Variants in TIMM23B observed in about 807,000 individuals in gnomAD.
TIMM23B encodes the protein translocase of inner mitochondrial membrane 23 homolog B, also known as mitochondrial import inner membrane translocase subunit Tim23B.
Under a neutral mutation model 27.3 loss-of-function variants are expected in TIMM23B, and 27 were observed. That is an observed-to-expected ratio of 0.99 (90% CI 0.73 to 1.36). TIMM23B has a LOEUF of 1.36. Among genes scored for constraint, TIMM23B ranks in the 40% most tolerant of loss-of-function variants. TIMM23B has a pLI of 0.00. For missense variants in TIMM23B, 205 were observed against 244.2 expected, an observed-to-expected ratio of 0.84 and a Z score of 1.07; for synonymous variants, 73 against 92.4, an observed-to-expected ratio of 0.79 and a Z score of 1.21.
chr10:49,956,677 T>C (rs1839737514), intron 5 of TIMM23B, among the ~76,000 whole-genome samples: 1 of 146,278 alleles, frequency 6.8e-6, no homozygotes, highest in Non-Finnish European at 1.5e-5. Flanking sequence ...AAATGATTCT[T>C]CTGGTTTTTA....
At chr10:49,945,322 G>C (rs1454615751) in intron 2 of TIMM23B, among the ~76,000 whole-genome samples, 2 of 152,090 alleles carry the variant, frequency 1.3e-5, no homozygotes, top group Non-Finnish European at 2.9e-5. Context: ...ATTTTTGAAA[G>C]CACCCCAATA....
Position 49,942,299 on chromosome 10 carries a change from G to A in TIMM23B, c.105G>A (p.Pro35=). 6.2e-7 allele frequency: 1 copy of A among 1,608,890 alleles called. No homozygotes were observed. Among genetic ancestry groups the A allele is most frequent in the Non-Finnish European group, 8.5e-7 (1 of 1,177,270 alleles). Residue 35 remains proline (P), a splice_region_variant and synonymous_variant, in exon 1 of 7, where the codon CCG becomes CCA. Coordinates refer to ENST00000651259, the MANE Select transcript of TIMM23B (RefSeq NM_001290117.2). The part of the protein sequence containing the change: ...GYSHADLAGV[P]LTGMNPLCPY... ...CGCACGCGGATTTGGCTGGCGTCCCGCGTAAGTATGGGGCCTAGCTTGCGA... is the reference window on the plus strand; with the variant it reads ...CGCACGCGGATTTGGCTGGCGTCCCACGTAAGTATGGGGCCTAGCTTGCGA...
chr10:49,968,047 C>CT (rs1334981556), intron 6 of TIMM23B, among the ~76,000 whole-genome samples: 26 of 152,228 alleles, frequency 1.7e-4, no homozygotes, highest in African/African-American at 6.3e-4. Context: ...CAACAAAACT[C>CT]TTACTGGCTT....
At chr10:49,954,190 C>G (rs1247096387) in intron 4 of TIMM23B, 2 of 188,772 alleles carry the variant, frequency 1.1e-5, no homozygotes, top group Non-Finnish European at 2.2e-5. Context: ...TTCCTTCACT[C>G]TTTGTTACTG....
chr10:49,952,668 A>T, intron 4 of TIMM23B, 135 bp downstream of exon 4: 1 of 1,104,794 alleles, frequency 9.1e-7, no homozygotes, highest in Non-Finnish European at 1.3e-6. Context: ...TTTTAATCTT[A>T]ATCAAAATAA....
At chr10:49,971,833 T>A (rs1332029595) in intron 6 of TIMM23B, among the ~76,000 whole-genome samples, 3 of 152,346 alleles carry the variant, frequency 2.0e-5, no homozygotes, top group East Asian at 3.9e-4. Flanking sequence ...ATGTAAAATA[T>A]AACACATTCT....
At chr10:49,958,047 G>A (rs1367387692) in intron 5 of TIMM23B, among the ~76,000 whole-genome samples, 2 of 152,136 alleles carry the variant, frequency 1.3e-5, no homozygotes, top group East Asian at 1.9e-4. Flanking sequence ...GGAAAGATTA[G>A]AGTCCTGCTG....
chr10:49,960,826 A>G (rs1443893013), intron 6 of TIMM23B, among the ~76,000 whole-genome samples: 1 of 152,364 alleles, frequency 6.6e-6, no homozygotes, highest in East Asian at 1.9e-4. Flanking sequence ...TGATTATATG[A>G]TACATATAAG....
intron 6 of TIMM23B, among the ~76,000 whole-genome samples, chr10:49,971,206 C>G (rs1173242343): frequency 1.3e-5 from 2 of 152,114 alleles, no homozygotes; most frequent in East Asian, 1.9e-4. Context: ...GCCGCAGGGT[C>G]CTCTGCCTAG....
At position 49,942,262 on chromosome 10, in the gene TIMM23B, A is replaced by G. The variant is rs4935252; in HGVS notation, c.68A>G (p.Glu23Gly). ...TTGGCCGGCTTTTTCGGAGCCGGCG[A>G]AGCAGGTTACTCGCACGCGGATTTG... ...GVLAGFFGAG[E>G]AGYSHADLAG... The change falls in exon 1 of 7, where the codon GAA (glutamate) becomes GGA (glycine). Residue 23 changes from glutamate to glycine, a missense_variant. Physicochemically the swap from Glu to Gly is moderately conservative, Grantham distance 98. Coordinates refer to ENST00000651259, the MANE Select transcript of TIMM23B (RefSeq NM_001290117.2). The G allele has an allele frequency of 3.2e-5, 52 of 1,612,648 alleles. 1 individual carries two copies. The highest frequency in any genetic ancestry group is 6.7e-5 in the African/African-American group (5 of 74,902).
At chr10:49,971,833 T>C (rs1332029595) in intron 6 of TIMM23B, among the ~76,000 whole-genome samples, 2 of 152,228 alleles carry the variant, frequency 1.3e-5, no homozygotes, top group Non-Finnish European at 2.9e-5. Context: ...ATGTAAAATA[T>C]AACACATTCT....
chr10:49,948,079 A>G (rs1413468601), intron 2 of TIMM23B, among the ~76,000 whole-genome samples: 3 of 152,254 alleles, frequency 2.0e-5, no homozygotes, highest in African/African-American at 7.2e-5. Flanking sequence ...AAAGGATTTG[A>G]GTAGACATTT....
At chr10:49,959,398 C>A (rs1839825123) in intron 6 of TIMM23B, among the ~76,000 whole-genome samples, 3 of 152,156 alleles carry the variant, frequency 2.0e-5, no homozygotes, top group Admixed American at 6.5e-5. Flanking sequence ...TCATCTTACG[C>A]TACTGGGAGA....
chr10:49,956,633 CAT>C (rs1839736082), intron 5 of TIMM23B, among the ~76,000 whole-genome samples: 1 of 145,888 alleles, frequency 6.9e-6, no homozygotes, highest in Non-Finnish European at 1.5e-5. Flanking sequence ...AGTCGTGTAT[CAT>C]GTGCACATGT....
At chr10:49,971,852 G>C (rs1189669564) in intron 6 of TIMM23B, among the ~76,000 whole-genome samples, 14 of 152,258 alleles carry the variant, frequency 9.2e-5, no homozygotes, top group African/African-American at 3.1e-4. Flanking sequence ...CTGTGCTGTG[G>C]CATAACTGCA....
At chr10:49,949,301 A>T (rs1388396758) in intron 2 of TIMM23B, among the ~76,000 whole-genome samples, 1 of 150,502 alleles carries the variant, frequency 6.6e-6, no homozygotes, top group Non-Finnish European at 1.5e-5. Context: ...GTTTGCGTTA[A>T]GTGTTCAAAT....
At chr10:49,962,412 A>T (rs1839951230) in intron 6 of TIMM23B, among the ~76,000 whole-genome samples, 1 of 152,122 alleles carries the variant, frequency 6.6e-6, no homozygotes, top group African/African-American at 2.4e-5. Flanking sequence ...CATGTTGGCC[A>T]GGATGTTCTC....
chr10:49,958,705 T>TA (rs1367129132), intron 6 of TIMM23B, among the ~76,000 whole-genome samples: 1 of 152,208 alleles, frequency 6.6e-6, no homozygotes, highest in African/African-American at 2.4e-5. Context: ...CATGATTATA[T>TA]AACCAATCTC....
At chr10:49,943,241 G>C (rs1839218329) in intron 1 of TIMM23B, 1 of 151,898 alleles carries the variant, frequency 6.6e-6, no homozygotes, top group African/African-American at 2.4e-5. Flanking sequence ...TTAGAGTCAG[G>C]ACCTCGTTCT....
Sources: gnomAD v4.1 joint callset for allele counts (sites outside exome capture counted in the v4.1 genomes callset) on GRCh38, gnomAD v4.1.1 for gene constraint, MANE v1.5 for transcripts, NCBI Gene and HGNC (gene_info 2026-07-23, HGNC 2026-07-21) for gene names.